LYST: variants seen among roughly 807,000 people sequenced by gnomAD.
LYST encodes the protein lysosomal trafficking regulator, also known as lysosomal-trafficking regulator.
A neutral mutation model predicts 413.6 loss-of-function variants in LYST; 192 were observed. That is an observed-to-expected ratio of 0.46 (90% confidence interval 0.41 to 0.52). LYST has a LOEUF of 0.52. Ranked by LOEUF, LYST falls within the 20% of genes least tolerant of loss-of-function variation. The pLI is 0.00. For synonymous variants in LYST, 1,525 were observed against 1,567.3 expected (o/e 0.97, Z 0.64); for missense variants, 3,815 against 4,499.9 (o/e 0.85, Z 4.35).
chr1:235,854,000 G>A (rs1436694020), intron 1 of LYST, among the ~76,000 whole-genome samples: 2 of 152,186 alleles, frequency 1.3e-5, no homozygotes, highest in Middle Eastern at 3.4e-3. Context: ...GAACTATGAA[G>A]GTTCATCCAG....
chr1:235,735,790 T>C (rs769086641), intron 31 of LYST: 1 of 152,106 alleles, frequency 6.6e-6, no homozygotes, highest in Non-Finnish European at 1.5e-5. Flanking sequence ...GATGAACATA[T>C]GCAATGGTGA....
rs1017825695 is a variant in LYST at position 235,664,111 on chromosome 1, G to A, written c.11196-56C>T. On this transcript the variant is annotated intron_variant, in intron 51 of 52. Transcript: ENST00000389793. The surrounding 1 kb of genome is among the most constrained non-coding windows in gnomAD (Gnocchi z 4.5). Reference sequence around the variant, plus strand: ...AAACTAAAATTACTCTCCCTAAAAAGCCCTCTATATTTGTTTATTTGTTAA... The same window carrying A: ...AAACTAAAATTACTCTCCCTAAAAAACCCTCTATATTTGTTTATTTGTTAA... 118 of 1,265,788 alleles carry A rather than the reference G, an allele frequency of 9.3e-5. No homozygotes were observed. Among genetic ancestry groups the A allele is most frequent in the Non-Finnish European group, 1.3e-4 (111 of 863,842 alleles). 78.4% of individuals were successfully genotyped at this position (1,265,788 alleles called of 1,614,324 possible).
intron 1 of LYST, among the ~76,000 whole-genome samples, chr1:235,841,132 C>A (rs945257869): frequency 2.0e-5 from 3 of 152,222 alleles, no homozygotes; most frequent in African/African-American, 7.2e-5. Flanking sequence ...CCATGCCTTT[C>A]ATTCCAATTT....
chr1:235,824,437 A>G (rs35753830), intron 3 of LYST, among the ~76,000 whole-genome samples: 25,435 of 152,214 alleles, frequency 0.17, 2,694 homozygotes, highest in Middle Eastern at 0.29. Context: ...TACTGGAAGG[A>G]TCCCTTAAGT....
chr1:235,734,171 T>C (rs1368594824), intron 32 of LYST, among the ~76,000 whole-genome samples: 1 of 152,104 alleles, frequency 6.6e-6, no homozygotes, highest in Non-Finnish European at 1.5e-5. Context: ...GTTGCTTGCC[T>C]CCTTACTCTG....
At chr1:235,691,210 G>C (rs1045678684) in intron 47 of LYST, among the ~76,000 whole-genome samples, 2 of 152,078 alleles carry the variant, frequency 1.3e-5, no homozygotes, top group Non-Finnish European at 2.9e-5. Flanking sequence ...GAGCCACCGC[G>C]CCTGGCTACA....
In LYST at chr1:235,662,880, G is replaced by GA; in HGVS notation, c.*59dup. 1.1e-6 allele frequency: 1 copy of GA among 934,218 alleles called. No individual in the cohort carries two copies. Among genetic ancestry groups the GA allele is most frequent in the Non-Finnish European group, 1.8e-6 (1 of 558,810 alleles). 57.9% of individuals were successfully genotyped at this position (934,218 alleles called of 1,614,324 possible). A position where few individuals can be genotyped will look rare whatever the true frequency, so the allele number is the denominator to read the frequency against. On this transcript the variant is annotated 3_prime_UTR_variant, in exon 53 of 53. Coordinates refer to ENST00000389793, the MANE Select transcript of LYST (RefSeq NM_000081.4). ...TTAGGTTCAACCTCCTAAAACTGGT[G>GA]AAGTCAACAAATCTAGTTTGGAGTT...
rs1681220856 is a variant in LYST, at chr1:235,878,142, C to T, written n.454+5045G>A. On this transcript the variant is annotated intron_variant and non_coding_transcript_variant, in intron 1 of 11. Coordinates refer to the LYST transcript ENST00000465349. The stretch of plus-strand genomic sequence containing the variant: ...AGTTTTAAAAATCATCCTGTCACTT[C>T]ACACGTGTTGGCAAGGTAGGGTAGC... Among the ~76,000 whole-genome samples, 4 of 152,348 alleles carry T rather than the reference C, an allele frequency of 2.6e-5. 1 individual carries two copies. The South Asian group carries it at 8.3e-4, about 32-fold the overall frequency.
At chr1:235,802,736 T>C (rs1053907741) in intron 8 of LYST, among the ~76,000 whole-genome samples, 172 bp downstream of exon 8, 1 of 152,236 alleles carries the variant, frequency 6.6e-6, no homozygotes, top group Non-Finnish European at 1.5e-5. Flanking sequence ...CTATATCACA[T>C]TGTTGCATAT....
chr1:235,785,606 G>A (rs6673838), intron 14 of LYST, among the ~76,000 whole-genome samples: 75,891 of 152,044 alleles, frequency 0.5, 22,391 homozygotes, highest in African/African-American at 0.82. Context: ...CTGCAACATA[G>A]TAAGTATGCA....
intron 13 of LYST, among the ~76,000 whole-genome samples, chr1:235,787,938 T>TA (rs1215296994): frequency 1.3e-5 from 2 of 152,070 alleles, no homozygotes; most frequent in African/African-American, 4.8e-5. Context: ...TACTACTTAA[T>TA]AAAGGAGATA....
Position 235,760,324 on chromosome 1 carries a change from G to GTATAAC in LYST, c.6254-726_6254-725insGTTATA, listed in dbSNP as rs1306150264. On this transcript the variant is annotated intron_variant, in intron 22 of 52. Coordinates refer to ENST00000389793, the MANE Select transcript of LYST (RefSeq NM_000081.4). ...TAGCATAGAGCTCAACATATAACAG[G>GTATAAC]TGCTCAAAAAATGGTAGTACTTGTT... Among the ~76,000 whole-genome samples the GTATAAC allele has an allele frequency of 2.2e-3, 341 of 152,152 alleles. 1 individual carries two copies. The highest frequency in any genetic ancestry group is 7.7e-3 in the African/African-American group (319 of 41,530).
intron 42 of LYST, among the ~76,000 whole-genome samples, chr1:235,714,541 T>C (rs1186019815): frequency 1.3e-5 from 2 of 152,198 alleles, no homozygotes; most frequent in Admixed American, 1.3e-4. Flanking sequence ...AGTAAAAGAA[T>C]GGATAATGAT....
chr1:235,741,770 C>A, intron 30 of LYST, 142 bp from the exon 31 acceptor site: 1 of 692,776 alleles, frequency 1.4e-6, no homozygotes, highest in Non-Finnish European at 2.6e-6. Flanking sequence ...AAGAGATATA[C>A]ATATCCATAC....
intron 47 of LYST, among the ~76,000 whole-genome samples, chr1:235,691,847 A>G (rs946426632): frequency 6.6e-6 from 1 of 151,170 alleles, no homozygotes; most frequent in East Asian, 2.0e-4. Context: ...ACAGGTGCCC[A>G]CCACCATGCG....
rs1331109527 is a variant in LYST, at chr1:235,809,109, C to T, written c.1709G>A (p.Cys570Tyr). 1 of 1,614,140 alleles carries T rather than the reference C, an allele frequency of 6.2e-7. No individual in the cohort carries two copies. Among genetic ancestry groups the T allele is most frequent in the Middle Eastern group, 1.6e-4 (1 of 6,062 alleles). Residue 570 changes from cysteine (C) to tyrosine (Y), a missense_variant, in exon 5 of 53, where the codon TGT becomes TAT. By Grantham distance (194) the Cys-to-Tyr change is radical. Coordinates refer to ENST00000389793, the MANE Select transcript of LYST (RefSeq NM_000081.4). The surrounding 1 kb of genome is among the most constrained non-coding windows in gnomAD (Gnocchi z 4.0). ...LLQQASLSST[C>Y]VQILSGVHNI... ...ATGAACACCCGATAGGATCTGGACACAAGTGCTGCTCAAGGAAGCCTGCTG... is the reference window on the plus strand; with the variant it reads ...ATGAACACCCGATAGGATCTGGACATAAGTGCTGCTCAAGGAAGCCTGCTG...
At chr1:235,807,374 T>C (rs962333642) in intron 5 of LYST, among the ~76,000 whole-genome samples, 1 of 152,198 alleles carries the variant, frequency 6.6e-6, no homozygotes, top group African/African-American at 2.4e-5. Context: ...GTCTAGATCA[T>C]TGGAATCCTA....
At chr1:235,708,113 A>G (rs1662127654) in intron 44 of LYST, among the ~76,000 whole-genome samples, 1 of 152,156 alleles carries the variant, frequency 6.6e-6, no homozygotes, top group Admixed American at 6.5e-5. Flanking sequence ...TAAATTTAAG[A>G]TTATCTTATT....
chr1:235,676,372 G>A (rs1255399975), intron 50 of LYST, among the ~76,000 whole-genome samples: 2 of 152,140 alleles, frequency 1.3e-5, no homozygotes, highest in Non-Finnish European at 2.9e-5. Context: ...GAATGGAGTA[G>A]TCACTTGTGC....
Sources: allele counts gnomAD v4.1 joint callset (sites outside exome capture counted in the v4.1 genomes callset), GRCh38; gene constraint gnomAD v4.1.1; non-coding constraint Gnocchi (gnomAD v3.1); transcripts MANE v1.5; gene names NCBI Gene and HGNC (gene_info 2026-07-23, HGNC 2026-07-21).